The following PRKG1 variants were observed in gnomAD, a reference collection of about 807,000 sequenced individuals.
PRKG1 encodes the protein cGMP-dependent protein kinase 1.
In PRKG1, 35 loss-of-function variants were observed where a neutral mutation model predicts 88.1. The observed-to-expected ratio is 0.40, with a 90% CI of 0.30 to 0.53. PRKG1 has a LOEUF of 0.53. Among genes scored for constraint, PRKG1 ranks in the 20% least tolerant of loss-of-function variants. The pLI, the probability that PRKG1 is intolerant of heterozygous loss-of-function variation, is 0.59. For synonymous variants in PRKG1, 303 were observed against 292.5 expected (o/e 1.04, Z -0.37); for missense variants, 540 against 839.8 (o/e 0.64, Z 4.41).
intron 2 of PRKG1, among the ~76,000 whole-genome samples, chr10:51,301,182 T>TA (rs1840874930): frequency 6.6e-6 from 1 of 152,202 alleles, no homozygotes; most frequent in South Asian, 2.1e-4. Flanking sequence ...TTTCCTTCAC[T>TA]AAGTCAAAGA....
At chr10:51,939,145 T>C (rs1485764150) in intron 5 of PRKG1, among the ~76,000 whole-genome samples, 1 of 152,054 alleles carries the variant, frequency 6.6e-6, no homozygotes, top group African/African-American at 2.4e-5. Context: ...TATTTTATTC[T>C]CTTAGTGTTG....
chr10:51,314,730 G>A (rs1484676389), intron 2 of PRKG1, among the ~76,000 whole-genome samples: 2 of 152,202 alleles, frequency 1.3e-5, no homozygotes, highest in Non-Finnish European at 2.9e-5. Flanking sequence ...AATGAAAGAT[G>A]AGATTCTGTT....
chr10:51,429,366 CAA>C (rs1305352034), intron 2 of PRKG1, among the ~76,000 whole-genome samples: 5 of 152,112 alleles, frequency 3.3e-5, no homozygotes, highest in Non-Finnish European at 1.5e-5. Context: ...CCTCCACTAA[CAA>C]AACTGGAATC....
chr10:51,783,653 T>A (rs1049225652), intron 3 of PRKG1, among the ~76,000 whole-genome samples: 1 of 152,092 alleles, frequency 6.6e-6, no homozygotes, highest in South Asian at 2.1e-4. Flanking sequence ...TTTAAGTGTG[T>A]ACGTGTTTAA....
rs149782248 is a variant in PRKG1, at chr10:51,142,899, G to A, written c.312-10265G>A. 3.9e-5 allele frequency among the ~76,000 whole-genome samples: 6 copies of A among 152,188 alleles called. No individual in the cohort carries two copies. In the East Asian group the frequency reaches 9.6e-4, roughly 24 times the overall value. ...ATGCTTTTATCATGTACAATATGAT[G>A]TTTTGAAATATATATGCATTTACAA... is the stretch of plus-strand genomic sequence containing the variant. On this transcript the variant is annotated intron_variant, in intron 1 of 17. Coordinates refer to ENST00000373980, the MANE Select transcript of PRKG1 (RefSeq NM_006258.4).
At chr10:52,119,714 T>G (rs910062316) in intron 7 of PRKG1, among the ~76,000 whole-genome samples, 5 of 152,254 alleles carry the variant, frequency 3.3e-5, no homozygotes, top group Admixed American at 3.3e-4. Context: ...TTGTCCTGTC[T>G]TGATCTGTTT....
chr10:51,072,698 A>G (rs1050297096), upstream of PRKG1, among the ~76,000 whole-genome samples: 29 of 152,168 alleles, frequency 1.9e-4, no homozygotes, highest in African/African-American at 7.0e-4. Flanking sequence ...TGTAATCTGC[A>G]TTAAGAGAAT....
intron 3 of PRKG1, among the ~76,000 whole-genome samples, chr10:51,756,904 G>A (rs777375323): frequency 3.3e-5 from 5 of 151,958 alleles, no homozygotes; most frequent in Non-Finnish European, 7.4e-5. Flanking sequence ...CAGGGCTTAT[G>A]GAATAATCAG....
intron 9 of PRKG1, among the ~76,000 whole-genome samples, chr10:52,178,888 C>T (rs944633647): frequency 3.3e-5 from 5 of 150,826 alleles, no homozygotes; most frequent in African/African-American, 4.9e-5. Context: ...TGTGTCTTTA[C>T]GGCTCAGGTG....
At chr10:51,151,806 C>A (rs894777652) in intron 1 of PRKG1, among the ~76,000 whole-genome samples, 1 of 151,744 alleles carries the variant, frequency 6.6e-6, no homozygotes, top group Non-Finnish European at 1.5e-5. Context: ...TGAATTATTA[C>A]AAAACATAAT....
chr10:52,082,764 T>A (rs954547959), intron 7 of PRKG1, among the ~76,000 whole-genome samples: 1 of 152,130 alleles, frequency 6.6e-6, no homozygotes, highest in African/African-American at 2.4e-5. Flanking sequence ...AAGAGGATGA[T>A]CATTTTTACA....
chr10:51,821,566 G>C (rs887898119), intron 4 of PRKG1, among the ~76,000 whole-genome samples: 1 of 151,766 alleles, frequency 6.6e-6, no homozygotes, highest in Non-Finnish European at 1.5e-5. Context: ...ATACCACATA[G>C]TCTGCAAATA....
At chr10:51,981,494 T>C (rs1260629312) in intron 5 of PRKG1, among the ~76,000 whole-genome samples, 2 of 151,966 alleles carry the variant, frequency 1.3e-5, no homozygotes, top group South Asian at 4.2e-4. Context: ...ACTGAAGCAG[T>C]ATAATTACTG....
At chr10:52,046,376 C>G (rs1845863972) in intron 5 of PRKG1, among the ~76,000 whole-genome samples, 1 of 152,046 alleles carries the variant, frequency 6.6e-6, no homozygotes, top group South Asian at 2.1e-4. Flanking sequence ...AAGCCCTTCC[C>G]CCTTCTTCCC....
rs183476256 is a variant in PRKG1 at position 51,250,409 on chromosome 10, G to A, written c.478+97079G>A. 9.1e-4 allele frequency among the ~76,000 whole-genome samples: 138 copies of A among 151,956 alleles called. 1 individual carries two copies. The highest frequency in any genetic ancestry group is 3.1e-3 in the African/African-American group (128 of 41,520). On this transcript the variant is annotated intron_variant, in intron 2 of 17. Coordinates refer to ENST00000373980, the MANE Select transcript of PRKG1 (RefSeq NM_006258.4). ...AGTTTAACCCATGGGAAAGTGGGAAGTATGTTTCAGAATGATGGAATAACC... is the reference window on the plus strand; with the variant it reads ...AGTTTAACCCATGGGAAAGTGGGAAATATGTTTCAGAATGATGGAATAACC...
rs181243537 is a variant in PRKG1, at chr10:51,658,079, A to T, written c.593-146506A>T. 3.7e-4 allele frequency among the ~76,000 whole-genome samples: 56 copies of T among 152,310 alleles called. No individual in the cohort carries two copies. In the East Asian group the frequency reaches 9.5e-3, roughly 26 times the overall value. On this transcript the variant is annotated intron_variant, in intron 3 of 17. Coordinates refer to ENST00000373980, the MANE Select transcript of PRKG1 (RefSeq NM_006258.4). Reference sequence around the variant, plus strand: ...GGCTCATGAATGAACTGGATTAAAAAGAAACATGAGATCCTTGGAAGCAGG... The same window carrying T: ...GGCTCATGAATGAACTGGATTAAAATGAAACATGAGATCCTTGGAAGCAGG...
Position 51,531,345 on chromosome 10 carries a change from T to C in PRKG1, c.592+63509T>C, listed in dbSNP as rs1046448558. On this transcript the variant is annotated intron_variant, in intron 3 of 17. Transcript: ENST00000373980. ...GCATTTTCATGGCACTGTATAACTG[T>C]ATTCATTAAGTAACAAAATAAAACA... 1.3e-4 allele frequency among the ~76,000 whole-genome samples: 20 copies of C among 152,292 alleles called. No individual in the cohort carries two copies. In the South Asian group the frequency reaches 4.1e-3, roughly 32 times the overall value.
intron 2 of PRKG1, among the ~76,000 whole-genome samples, chr10:51,460,842 T>C (rs912809571): frequency 1.3e-5 from 2 of 152,200 alleles, no homozygotes; most frequent in African/African-American, 4.8e-5. Flanking sequence ...ACTTTCATTC[T>C]GATGGTTCAG....
chr10:51,948,229 A>G (rs190236178), intron 5 of PRKG1, among the ~76,000 whole-genome samples: 84 of 152,300 alleles, frequency 5.5e-4, no homozygotes, highest in Middle Eastern at 3.4e-3. Flanking sequence ...TTTTATTGCC[A>G]TACATAGAAC....
Sources: gnomAD v4.1 joint callset for allele counts (sites outside exome capture counted in the v4.1 genomes callset) on GRCh38, gnomAD v4.1.1 for gene constraint, MANE v1.5 for transcripts, NCBI Gene and HGNC (gene_info 2026-07-23, HGNC 2026-07-21) for gene names.